The following CELF2 variants were observed in gnomAD, a reference collection of about 807,000 sequenced individuals.
The protein encoded by CELF2 is CUG triplet repeat RNA-binding protein 2.
CELF2 carries 8 observed loss-of-function variants against 62.6 expected under a neutral mutation model. The ratio of observed to expected loss-of-function variants is 0.13; its 90% CI spans 0.07 to 0.23. The LOEUF is 0.23. CELF2 is among the 10% of genes least tolerant of loss of function. The pLI, the probability that CELF2 is intolerant of heterozygous loss-of-function variation, is 1.00. For synonymous variants in CELF2, 258 were observed against 250.0 expected (o/e 1.03, Z -0.30); for missense variants, 333 against 671.0 (o/e 0.50, Z 5.56).
chr10:11,047,341 G>A (rs1204145698), intron 1 of CELF2, among the ~76,000 whole-genome samples: 1 of 152,202 alleles, frequency 6.6e-6, no homozygotes, highest in African/African-American at 2.4e-5. Flanking sequence ...AGGGTGTTCT[G>A]TGGATGAAAG....
intron 1 of CELF2, among the ~76,000 whole-genome samples, chr10:10,900,771 G>A (rs1004576257): frequency 4.6e-5 from 7 of 152,096 alleles, no homozygotes; most frequent in African/African-American, 1.4e-4. Flanking sequence ...ATATTGAAAA[G>A]AAAGAAATTA....
intron 1 of CELF2, among the ~76,000 whole-genome samples, chr10:11,163,626 A>G (rs958400769): frequency 1.3e-5 from 2 of 152,232 alleles, no homozygotes; most frequent in Admixed American, 6.5e-5. Context: ...TCAGCAGAAC[A>G]TTTTTTATAA....
the CELF2 span, among the ~76,000 whole-genome samples, chr10:10,554,992 T>C: frequency 6.6e-6 from 1 of 152,074 alleles, no homozygotes; most frequent in Non-Finnish European, 1.5e-5. Context: ...CATGATGCTG[T>C]GGGGTGGAGT....
intron 1 of CELF2, among the ~76,000 whole-genome samples, chr10:11,035,739 G>A (rs756014553): frequency 1.1e-4 from 17 of 152,196 alleles, no homozygotes; most frequent in Admixed American, 3.3e-4. Flanking sequence ...ATACCCAGCT[G>A]TTTGTTATTC....
rs2072753391 is a variant in CELF2 at position 11,179,995 on chromosome 10, C to T, written c.271+14313C>T. On this transcript the variant is annotated intron_variant, in intron 2 of 12. Transcript: ENST00000633077. The stretch of plus-strand genomic sequence containing the variant: ...CTAGCCCCCTAGTCTTCTCTGTCAG[C>T]AGCCCCAAATATATAAGGCTGAGGT... Among the ~76,000 whole-genome samples, 4 of 152,196 alleles carry T rather than the reference C, an allele frequency of 2.6e-5. No individual in the cohort carries two copies. In the South Asian group the frequency reaches 8.3e-4, roughly 31 times the overall value.
At chr10:10,671,920 G>A in the CELF2 span, among the ~76,000 whole-genome samples, 10 of 152,160 alleles carry the variant, frequency 6.6e-5, no homozygotes, top group East Asian at 1.9e-3. Flanking sequence ...AGTAGAGATA[G>A]GCTTTCCCCA....
At chr10:11,066,620 G>A (rs755641183) in intron 1 of CELF2, among the ~76,000 whole-genome samples, 5 of 152,200 alleles carry the variant, frequency 3.3e-5, no homozygotes, top group African/African-American at 4.8e-5. Context: ...CTCTTTAACC[G>A]TTCACATATG....
At chr10:11,151,400 G>A (rs1037937832) in intron 1 of CELF2, among the ~76,000 whole-genome samples, 2 of 152,168 alleles carry the variant, frequency 1.3e-5, no homozygotes, top group African/African-American at 2.4e-5. Flanking sequence ...AGTCAGTAAC[G>A]ATAGTGTAGG....
At chr10:11,326,137 A>G (rs1447848714) in intron 12 of CELF2, among the ~76,000 whole-genome samples, 158 bp downstream of exon 12, 17 of 152,228 alleles carry the variant, frequency 1.1e-4, no homozygotes, top group Admixed American at 1.0e-3. Context: ...GGGCAAAGAA[A>G]GGAAGGCTCT....
In CELF2 at chr10:11,081,797, C is replaced by G. The variant is rs527892174; in HGVS notation, c.74+63634C>G. Reference sequence around the variant, plus strand: ...TTCTAGTGTGTATCAGCTGGGCTTCCTTGATATTCTTTACCTTAAGAAAGA... The same window carrying G: ...TTCTAGTGTGTATCAGCTGGGCTTCGTTGATATTCTTTACCTTAAGAAAGA... On this transcript the variant is annotated intron_variant, in intron 1 of 12. Coordinates refer to ENST00000633077, the MANE Select transcript of CELF2 (RefSeq NM_001326342.2). Among the ~76,000 whole-genome samples the G allele has an allele frequency of 3.9e-5, 6 of 152,228 alleles. No homozygotes were observed. In the East Asian group the frequency reaches 9.7e-4, roughly 25 times the overall value.
Position 10,941,226 on chromosome 10 carries a change from G to T in CELF2, c.89+21227G>T, listed in dbSNP as rs143622578. 8.0e-4 allele frequency among the ~76,000 whole-genome samples: 122 copies of T among 152,298 alleles called. 2 individuals are homozygous for T. The highest frequency in any genetic ancestry group is 1.5e-3 in the Non-Finnish European group (102 of 68,028). ...TTTTTTTCTGGAGGAGTGAAGAAAT[G>T]TGCTACGGAGACACCATAGCCAACT... is the stretch of plus-strand genomic sequence containing the variant. On this transcript the variant is annotated intron_variant, in intron 2 of 13. Coordinates refer to the CELF2 transcript ENST00000636488.
the CELF2 span, among the ~76,000 whole-genome samples, chr10:10,767,282 A>G: frequency 6.6e-6 from 1 of 151,742 alleles, no homozygotes; most frequent in East Asian, 1.9e-4. Flanking sequence ...GGGTTTCACT[A>G]CTTCCAAAGT....
chr10:11,041,991 A>G (rs2061927528), intron 1 of CELF2, among the ~76,000 whole-genome samples: 1 of 152,214 alleles, frequency 6.6e-6, no homozygotes, highest in Non-Finnish European at 1.5e-5. Flanking sequence ...TGGGGGCATA[A>G]TTATGGGTAC....
chr10:10,998,935 C>T (rs1181087813), intron 2 of CELF2, among the ~76,000 whole-genome samples: 3 of 152,118 alleles, frequency 2.0e-5, no homozygotes, highest in East Asian at 3.8e-4. Context: ...AACTCCCAAA[C>T]TTTAGCATTT....
the CELF2 span, among the ~76,000 whole-genome samples, chr10:10,671,204 CAAAA>C: frequency 2.6e-5 from 3 of 115,800 alleles, no homozygotes; most frequent in African/African-American, 3.1e-5. Flanking sequence ...TTATCTGTCT[CAAAA>C]AAAAAAAAAA....
chr10:10,685,656 T>G, the CELF2 span, among the ~76,000 whole-genome samples: 1 of 152,208 alleles, frequency 6.6e-6, no homozygotes, highest in African/African-American at 2.4e-5. Flanking sequence ...GATGTTCTTT[T>G]GAATTCACCT....
At chr10:11,113,874 T>G (rs2055885947) in intron 1 of CELF2, among the ~76,000 whole-genome samples, 1 of 152,216 alleles carries the variant, frequency 6.6e-6, no homozygotes. Context: ...TCTTGATTTT[T>G]TCTTTCTTCT....
In CELF2 at chr10:11,256,518, C is replaced by T. The variant is rs1477420680; in HGVS notation, c.404-1220C>T. On this transcript the variant is annotated intron_variant, in intron 4 of 12. Transcript: ENST00000633077. ...ATAGGTATGCACAAGTGACTTAAAG[C>T]AGAGTCCTCCTCTAGCCCAGGACAC... is the stretch of plus-strand genomic sequence containing the variant. Among the ~76,000 whole-genome samples, 4 of 148,908 alleles carry T rather than the reference C, an allele frequency of 2.7e-5. No individual in the cohort carries two copies. In the East Asian group the frequency reaches 7.8e-4, roughly 29 times the overall value.
the CELF2 span, among the ~76,000 whole-genome samples, chr10:10,560,536 G>A: frequency 6.6e-6 from 1 of 152,292 alleles, no homozygotes; most frequent in Non-Finnish European, 1.5e-5. Flanking sequence ...TTGTAAGGAT[G>A]TGGCAATCAG....
Sources: allele counts gnomAD v4.1 joint callset (sites outside exome capture counted in the v4.1 genomes callset), GRCh38; gene constraint gnomAD v4.1.1; transcripts MANE v1.5; gene names NCBI Gene and HGNC (gene_info 2026-07-23, HGNC 2026-07-21).